IKZF1: variants seen among roughly 807,000 people sequenced by gnomAD.
IKZF1 encodes the protein IKAROS family zinc finger 1.
A neutral mutation model predicts 51.7 loss-of-function variants in IKZF1; 10 were observed. The ratio of observed to expected loss-of-function variants is 0.19; its 90% CI spans 0.12 to 0.33. The LOEUF (loss-of-function observed/expected upper bound fraction) is 0.33. Ranked by LOEUF, IKZF1 falls within the 10% of genes least tolerant of loss-of-function variation. IKZF1 has a pLI of 1.00. For missense variants in IKZF1, 484 were observed against 707.5 expected (o/e 0.68, Z 3.58); for synonymous variants, 280 against 282.3 (o/e 0.99, Z 0.08).
intron 3 of IKZF1, among the ~76,000 whole-genome samples, chr7:50,375,417 C>G (rs918001872): frequency 1.3e-5 from 2 of 152,108 alleles, no homozygotes; most frequent in African/African-American, 4.8e-5. Flanking sequence ...TCTCATTGAT[C>G]ATTTTACTTG....
chr7:50,317,280 C>G (rs35803603), intron 1 of IKZF1, among the ~76,000 whole-genome samples: 1 of 152,286 alleles, frequency 6.6e-6, no homozygotes, highest in African/African-American at 2.4e-5. Context: ...TGTGATAGGC[C>G]GCGCTAAAAT....
intron 3 of IKZF1, among the ~76,000 whole-genome samples, chr7:50,357,632 A>G (rs183333707): frequency 1.3e-5 from 2 of 152,212 alleles, no homozygotes; most frequent in East Asian, 3.9e-4. Flanking sequence ...TTTTCCCTCT[A>G]TAATTTCTCT....
intron 3 of IKZF1, among the ~76,000 whole-genome samples, chr7:50,364,411 T>A (rs1196566197): frequency 6.6e-6 from 1 of 152,256 alleles, no homozygotes; most frequent in African/African-American, 2.4e-5. Flanking sequence ...TTGCTCTTGA[T>A]AAGAATATAT....
At chr7:50,392,289 G>A (rs1815330477) in intron 7 of IKZF1, among the ~76,000 whole-genome samples, 1 of 152,184 alleles carries the variant, frequency 6.6e-6, no homozygotes, top group Admixed American at 6.5e-5. Context: ...GACTCTGAAG[G>A]GTTAATGGGA....
At chr7:50,393,518 GATTA>G (rs371209306) in intron 7 of IKZF1, among the ~76,000 whole-genome samples, 1,708 of 152,258 alleles carry the variant, frequency 0.011, 27 homozygotes, top group African/African-American at 0.032. Flanking sequence ...TTGACCTTTT[GATTA>G]ATTAGAGGTT....
At chr7:50,374,278 T>A (rs1156937591) in intron 3 of IKZF1, among the ~76,000 whole-genome samples, 1 of 152,202 alleles carries the variant, frequency 6.6e-6, no homozygotes, top group African/African-American at 2.4e-5. Context: ...CCTGTGGATA[T>A]AGAAGGCAGA....
chr7:50,332,673 G>C (rs1796675804), intron 3 of IKZF1, among the ~76,000 whole-genome samples: 2 of 152,218 alleles, frequency 1.3e-5, no homozygotes, highest in African/African-American at 4.8e-5. Flanking sequence ...GAGATGGGTT[G>C]GTTGAATCCG....
intron 3 of IKZF1, among the ~76,000 whole-genome samples, chr7:50,337,788 G>A (rs899388288): frequency 0.21 from 31,929 of 152,030 alleles, 4,060 homozygotes; most frequent in African/African-American, 0.37. Flanking sequence ...CAGTGGGCAC[G>A]ATGATATTTG....
intron 3 of IKZF1, among the ~76,000 whole-genome samples, chr7:50,330,000 A>G (rs1461706515): frequency 6.6e-6 from 1 of 152,108 alleles, no homozygotes; most frequent in Non-Finnish European, 1.5e-5. Flanking sequence ...TACGGACGTC[A>G]TATTGTTGGT....
At chr7:50,360,557 G>A (rs116136264) in intron 3 of IKZF1, among the ~76,000 whole-genome samples, 279 of 152,264 alleles carry the variant, frequency 1.8e-3, no homozygotes, top group African/African-American at 5.8e-3. Context: ...TCACTTTGCC[G>A]AACTCCCTTT....
chr7:50,340,931 C>T (rs1259887466), intron 3 of IKZF1, among the ~76,000 whole-genome samples: 2 of 152,154 alleles, frequency 1.3e-5, no homozygotes, highest in Non-Finnish European at 2.9e-5. Flanking sequence ...AGTTTTAAAG[C>T]ATTATTGCTA....
chr7:50,318,541 G>A (rs997742615), intron 1 of IKZF1: 4 of 223,892 alleles, frequency 1.8e-5, no homozygotes, highest in African/African-American at 8.9e-5. Flanking sequence ...TAGTGCAGTT[G>A]CTGCTCAGAT....
At position 50,399,928 on chromosome 7, in the gene IKZF1, C is replaced by A. The variant is rs572846532; in HGVS notation, c.861C>A (p.Gly287=). 2.5e-6 allele frequency: 4 copies of A among 1,612,162 alleles called. No individual in the cohort carries two copies. The African/African-American group carries it at 5.3e-5, about 22-fold the overall frequency. ...GCCTGCTTTCCACAGGGGACAAGGG[C>A]CTGTCCGACACGCCCTACGACAGCA... ...SMPQKFLGDK[G]LSDTPYDSSA... is the part of the protein sequence containing the mutation. The change falls in exon 8 of 8, where the codon GGC becomes GGA. Residue 287 remains glycine (G), a synonymous_variant. Transcript: ENST00000331340.
chr7:50,391,827 G>A lies in IKZF1; in HGVS notation c.814G>A (p.Ala272Thr), dbSNP rs778820674. ...GCTGGACAGACTAGCAAGTAACGTC[G>A]CCAAACGTAAGAGCTCTATGCCTCA... ...LVLDRLASNV[A>T]KRKSSMPQKF... is the part of the protein sequence containing the mutation. The change falls in exon 7 of 8, where the codon GCC (alanine) becomes ACC (threonine). Residue 272 changes from alanine to threonine, a missense_variant. Physicochemically the swap from Ala to Thr is moderately conservative, Grantham distance 58. Around this residue, in one of 6 missense-constraint regions of IKZF1, gnomAD observed 172 missense variants for 192.7 expected, o/e 0.89. Coordinates refer to ENST00000331340, the MANE Select transcript of IKZF1 (RefSeq NM_006060.6). 14 of 1,613,792 alleles carry A rather than the reference G, an allele frequency of 8.7e-6. No individual in the cohort carries two copies. Among genetic ancestry groups the A allele is most frequent in the Non-Finnish European group, 1.1e-5 (13 of 1,179,824 alleles).
chr7:50,379,969 C>T (rs922185806), intron 4 of IKZF1, among the ~76,000 whole-genome samples: 2 of 152,154 alleles, frequency 1.3e-5, no homozygotes, highest in African/African-American at 4.8e-5. Flanking sequence ...CATCAATGTC[C>T]TCATCCCAGT....
At chr7:50,364,235 C>G (rs1806136015) in intron 3 of IKZF1, among the ~76,000 whole-genome samples, 1 of 152,176 alleles carries the variant, frequency 6.6e-6, no homozygotes. Context: ...TTATGCACAG[C>G]TAAATGCAAA....
Position 50,366,408 on chromosome 7 carries a change from G to A in IKZF1, c.161-10125G>A, listed in dbSNP as rs542618205. On this transcript the variant is annotated intron_variant, in intron 3 of 7. Transcript: ENST00000331340. The stretch of plus-strand genomic sequence containing the variant: ...CTGCACAAGGCTACATTTTCTACTG[G>A]TGAGACAAATTCCAGACGCATTGCA... Among the ~76,000 whole-genome samples the A allele has an allele frequency of 2.0e-5, 3 of 152,272 alleles. No individual in the cohort carries two copies. The East Asian group carries it at 5.8e-4, about 29-fold the overall frequency.
In IKZF1 at chr7:50,306,927, C is replaced by T. The variant is rs542050113; in HGVS notation, c.-15+2005C>T. ...TATTAATGTACTTATACACACACTT[C>T]AAGATTATGCATTTATTAACAGATA... On this transcript the variant is annotated intron_variant, in intron 1 of 7. Transcript: ENST00000331340. Among the ~76,000 whole-genome samples, 119 of 152,250 alleles carry T rather than the reference C, an allele frequency of 7.8e-4. 1 individual carries two copies. The highest frequency in any genetic ancestry group is 3.4e-3 in the Middle Eastern group (1 of 294).
chr7:50,391,845 A>T lies in IKZF1; in HGVS notation c.832A>T (p.Met278Leu). Residue 278 changes from methionine (M) to leucine (L), a missense_variant, in exon 7 of 8, where the codon ATG becomes TTG. Transcript: ENST00000331340. ...ASNVAKRKSSMPQKFLGDKGL... is the reference protein window; with the variant it reads ...ASNVAKRKSSLPQKFLGDKGL... ...TAACGTCGCCAAACGTAAGAGCTCT[A>T]TGCCTCAGAAATTTCTTGGTAAGAG... 2 of 1,613,442 alleles carry T rather than the reference A, an allele frequency of 1.2e-6. No individual in the cohort carries two copies. Among genetic ancestry groups the T allele is most frequent in the Non-Finnish European group, 1.7e-6 (2 of 1,179,606 alleles).
Sources: allele counts gnomAD v4.1 joint callset (sites outside exome capture counted in the v4.1 genomes callset), GRCh38; gene constraint gnomAD v4.1.1; regional missense constraint gnomAD v4.1.1; transcripts MANE v1.5; gene names NCBI Gene and HGNC (gene_info 2026-07-23, HGNC 2026-07-21).